ZRANB3: variants seen among roughly 807,000 people sequenced by gnomAD.
ZRANB3 encodes DNA annealing helicase and endonuclease ZRANB3.
Under a neutral mutation model 133.8 loss-of-function variants are expected in ZRANB3, and 125 were observed. That is an observed-to-expected ratio of 0.93 (90% CI 0.81 to 1.08). ZRANB3 has a LOEUF of 1.08. ZRANB3 is among the 50% of genes least tolerant of loss of function. The pLI is 0.00. For synonymous variants in ZRANB3, 387 were observed against 432.7 expected (o/e 0.89, Z 1.31); for missense variants, 1,229 against 1,275.5 (o/e 0.96, Z 0.56).
At chr2:135,376,088 C>T (rs1025558001) in intron 3 of ZRANB3, among the ~76,000 whole-genome samples, 1 of 152,108 alleles carries the variant, frequency 6.6e-6, no homozygotes, top group Non-Finnish European at 1.5e-5. Context: ...GGGAGAATGG[C>T]GTGTGAAGAC....
intron 2 of ZRANB3, among the ~76,000 whole-genome samples, chr2:135,447,698 C>G (rs1312031269): frequency 1.3e-5 from 2 of 152,192 alleles, no homozygotes; most frequent in African/African-American, 4.8e-5. Flanking sequence ...AAGTTTCCTT[C>G]TATTTTGTAC....
Position 135,390,823 on chromosome 2 carries a change from GGAA to G in ZRANB3, c.162-6_162-4del. On this transcript the variant is annotated splice_region_variant and splice_polypyrimidine_tract_variant and intron_variant, in intron 2 of 20. Transcript: ENST00000264159. ...TTACTTCATCAGCCACCATACACCT[GGAA>G]AAAAAAAAAAAAAAAAATTAATTAT... 7.3e-7 allele frequency: 1 copy of G among 1,374,914 alleles called. No individual in the cohort carries two copies. The highest frequency in any genetic ancestry group is 2.9e-5 in the East Asian group (1 of 34,624). 85.2% of individuals were successfully genotyped at this position (1,374,914 alleles called of 1,614,324 possible). A position where few individuals can be genotyped will look rare whatever the true frequency, so the allele number is the denominator to read the frequency against.
intron 2 of ZRANB3, among the ~76,000 whole-genome samples, chr2:135,442,248 G>T (rs1262766820): frequency 1.3e-5 from 2 of 152,148 alleles, no homozygotes; most frequent in Non-Finnish European, 2.9e-5. Flanking sequence ...TACCAGCAGA[G>T]TGAACAGGCA....
chr2:135,297,690 G>C (rs531000494), intron 8 of ZRANB3, among the ~76,000 whole-genome samples: 7 of 152,182 alleles, frequency 4.6e-5, no homozygotes, highest in African/African-American at 1.2e-4. Context: ...CTGTAGACTG[G>C]AGCTGTTCCT....
At chr2:135,473,721 G>A (rs1397128498) in intron 2 of ZRANB3, among the ~76,000 whole-genome samples, 2 of 152,182 alleles carry the variant, frequency 1.3e-5, no homozygotes, top group Admixed American at 1.3e-4. Flanking sequence ...CAAGGTCATT[G>A]TCAAAGATTT....
At chr2:135,303,795 G>A (rs1682555972) in intron 8 of ZRANB3, among the ~76,000 whole-genome samples, 2 of 152,060 alleles carry the variant, frequency 1.3e-5, no homozygotes, top group African/African-American at 4.8e-5. Context: ...TCTATCTGTT[G>A]TTTATTTAAA....
At chr2:135,272,119 A>G (rs1304871943) in intron 9 of ZRANB3, among the ~76,000 whole-genome samples, 1 of 152,184 alleles carries the variant, frequency 6.6e-6, no homozygotes, top group Non-Finnish European at 1.5e-5. Context: ...GTCTATGTCT[A>G]ATTCATCTTT....
chr2:135,275,298 C>T (rs1415309761), intron 9 of ZRANB3, among the ~76,000 whole-genome samples: 2 of 147,344 alleles, frequency 1.4e-5, no homozygotes, highest in Non-Finnish European at 2.9e-5. Flanking sequence ...CGGGCGGGGG[C>T]TGCCCCCCAC....
intron 2 of ZRANB3, among the ~76,000 whole-genome samples, chr2:135,482,009 G>C (rs1055460286): frequency 7.4e-6 from 1 of 135,922 alleles, no homozygotes; most frequent in Non-Finnish European, 1.5e-5. Flanking sequence ...TGCTGTTTTG[G>C]TTACTGTAGC....
At chr2:135,278,848 A>G (rs911598098) in intron 8 of ZRANB3, among the ~76,000 whole-genome samples, 1 of 152,210 alleles carries the variant, frequency 6.6e-6, no homozygotes, top group African/African-American at 2.4e-5. Context: ...ATACTGATCA[A>G]GCCAAAATTG....
rs78465785 is a variant in ZRANB3 at position 135,513,410 on chromosome 2, T to C, written c.-7-8914A>G. Among the ~76,000 whole-genome samples the C allele has an allele frequency of 8.3e-3, 1,266 of 152,288 alleles. 39 individuals are homozygous for C. The highest frequency in any genetic ancestry group is 0.061 in the Admixed American group (927 of 15,288). On this transcript the variant is annotated intron_variant, in intron 1 of 20. Transcript: ENST00000264159. ...AACTGAAAGTCCAGAAATAAGCCTT[T>C]ACATTTACAGTCAATTTTTTGACAA...
At chr2:135,413,777 C>A (rs1001061002) in intron 2 of ZRANB3, among the ~76,000 whole-genome samples, 7 of 152,084 alleles carry the variant, frequency 4.6e-5, no homozygotes, top group African/African-American at 1.2e-4. Context: ...ACTCTACAAG[C>A]CAGAAGAGAG....
At chr2:135,209,264 G>T (rs1348425123) in intron 17 of ZRANB3, among the ~76,000 whole-genome samples, 1 of 152,160 alleles carries the variant, frequency 6.6e-6, no homozygotes, top group Non-Finnish European at 1.5e-5. Flanking sequence ...GGGGAAAAAG[G>T]AGTCGGTGTG....
At chr2:135,360,966 T>TG (rs991434337) in intron 3 of ZRANB3, among the ~76,000 whole-genome samples, 46 of 151,806 alleles carry the variant, frequency 3.0e-4, no homozygotes, top group Admixed American at 1.2e-3. Context: ...TTTGTAGAGA[T>TG]GGGGGGGTCT....
chr2:135,374,663 G>A (rs1278178359), intron 3 of ZRANB3, among the ~76,000 whole-genome samples: 4 of 151,794 alleles, frequency 2.6e-5, no homozygotes, highest in African/African-American at 4.8e-5. Context: ...CACCACACCT[G>A]CCTAATTTTT....
chr2:135,258,560 C>G (rs902881227), intron 12 of ZRANB3, among the ~76,000 whole-genome samples: 4 of 152,160 alleles, frequency 2.6e-5, no homozygotes, highest in Non-Finnish European at 5.9e-5. Flanking sequence ...TATCCGCATG[C>G]CTAAATTATC....
At chr2:135,468,776 G>C (rs1396961224) in intron 2 of ZRANB3, among the ~76,000 whole-genome samples, 2 of 152,172 alleles carry the variant, frequency 1.3e-5, no homozygotes, top group Non-Finnish European at 2.9e-5. Flanking sequence ...AAGCTAGAAA[G>C]ACAAAGTAAA....
intron 2 of ZRANB3, among the ~76,000 whole-genome samples, chr2:135,490,632 T>G (rs527420053): frequency 4.0e-4 from 61 of 152,296 alleles, no homozygotes; most frequent in African/African-American, 1.4e-3. Flanking sequence ...GATCCAGCAA[T>G]TCCACTACTG....
intron 2 of ZRANB3, among the ~76,000 whole-genome samples, chr2:135,430,432 AT>A (rs1354806710): frequency 6.6e-6 from 1 of 151,832 alleles, no homozygotes; most frequent in Non-Finnish European, 1.5e-5. Flanking sequence ...AAGTAAGAAG[AT>A]TAAAAAAAAA....
Sources: allele counts gnomAD v4.1 joint callset (sites outside exome capture counted in the v4.1 genomes callset), GRCh38; gene constraint gnomAD v4.1.1; transcripts MANE v1.5; gene names NCBI Gene and HGNC (gene_info 2026-07-23, HGNC 2026-07-21).